Variants in CTNNA2 observed in about 807,000 individuals in gnomAD.
The protein encoded by CTNNA2 is catenin alpha-2.
In CTNNA2, 42 loss-of-function variants were observed where a neutral mutation model predicts 101.0. That is an observed-to-expected ratio of 0.42 (90% CI 0.32 to 0.54). The LOEUF (loss-of-function observed/expected upper bound fraction) is 0.54. CTNNA2 is among the 20% of genes least tolerant of loss of function. CTNNA2 has a pLI of 0.14. For synonymous variants in CTNNA2, 450 were observed against 456.4 expected (o/e 0.99, Z 0.18); for missense variants, 871 against 1,223.1 (o/e 0.71, Z 4.29).
intron 2 of CTNNA2, among the ~76,000 whole-genome samples, chr2:79,223,542 C>A (rs189860380): frequency 6.6e-6 from 1 of 152,270 alleles, no homozygotes; most frequent in Admixed American, 6.5e-5. Flanking sequence ...TTTCTCTCAT[C>A]AGTCTATTTT....
At chr2:80,014,128 AC>A (rs1298326119) in intron 7 of CTNNA2, among the ~76,000 whole-genome samples, 1 of 152,200 alleles carries the variant, frequency 6.6e-6, no homozygotes, top group African/African-American at 2.4e-5. Flanking sequence ...TATTATTTGT[AC>A]ATATAGTTTA....
intron 7 of CTNNA2, among the ~76,000 whole-genome samples, chr2:79,948,512 G>C (rs1016624017): frequency 2.0e-5 from 3 of 152,232 alleles, no homozygotes; most frequent in Admixed American, 6.5e-5. Flanking sequence ...GCTGCAAACA[G>C]TGCATGGCGC....
Position 79,990,644 on chromosome 2 carries a change from A to C in CTNNA2, c.1056+80847A>C, listed in dbSNP as rs146022580. 4.3e-3 allele frequency among the ~76,000 whole-genome samples: 652 copies of C among 152,316 alleles called. 7 individuals carry two copies. The highest frequency in any genetic ancestry group is 0.015 in the African/African-American group (607 of 41,574). The stretch of plus-strand genomic sequence containing the variant: ...AAAAGCTTTATAAGCATTTGCTATT[A>C]TTGTTACTATTACATTTTATGAAAA... On this transcript the variant is annotated intron_variant, in intron 7 of 18. Coordinates refer to ENST00000402739, the MANE Select transcript of CTNNA2 (RefSeq NM_001282597.3).
At chr2:80,625,330 A>G (rs1671570430) in intron 18 of CTNNA2, among the ~76,000 whole-genome samples, 1 of 152,048 alleles carries the variant, frequency 6.6e-6, no homozygotes, top group Non-Finnish European at 1.5e-5. Context: ...CAGGCATTGT[A>G]TGAAGCATTT....
chr2:80,642,456 T>TTAAGCAC (rs1673597405), intron 18 of CTNNA2, among the ~76,000 whole-genome samples: 1 of 152,208 alleles, frequency 6.6e-6, no homozygotes, highest in Non-Finnish European at 1.5e-5. Flanking sequence ...TACCCAACAC[T>TTAAGCAC]TAAGCACAGT....
intron 2 of CTNNA2, among the ~76,000 whole-genome samples, chr2:79,652,835 A>G (rs1277797898): frequency 6.6e-6 from 1 of 152,154 alleles, no homozygotes; most frequent in Non-Finnish European, 1.5e-5. Flanking sequence ...CAGGTCTCCA[A>G]AAGTCTCAAC....
chr2:80,162,396 T>A (rs926098733), intron 7 of CTNNA2: 3 of 1,454,758 alleles, frequency 2.1e-6, no homozygotes, highest in African/African-American at 1.4e-5. Context: ...CATATCAACT[T>A]AGTCAAAGGG....
At chr2:79,330,068 G>C (rs1676836736) in intron 3 of CTNNA2, among the ~76,000 whole-genome samples, 1 of 152,118 alleles carries the variant, frequency 6.6e-6, no homozygotes, top group Non-Finnish European at 1.5e-5. Flanking sequence ...AGGAAGTAGT[G>C]GTTGTGGTGG....
intron 7 of CTNNA2, among the ~76,000 whole-genome samples, chr2:80,045,318 A>G (rs185187283): frequency 6.6e-6 from 1 of 152,308 alleles, no homozygotes; most frequent in East Asian, 1.9e-4. Flanking sequence ...TTTTAAAACT[A>G]CCATTGTCTC....
At chr2:80,646,312 T>C (rs1337537730) in intron 18 of CTNNA2, among the ~76,000 whole-genome samples, 1 of 152,168 alleles carries the variant, frequency 6.6e-6, no homozygotes, top group Non-Finnish European at 1.5e-5. Context: ...AGAACATCTT[T>C]GCTTCCTTCA....
At chr2:79,734,022 G>T (rs1045960672) in intron 2 of CTNNA2, among the ~76,000 whole-genome samples, 4 of 151,986 alleles carry the variant, frequency 2.6e-5, no homozygotes, top group African/African-American at 9.7e-5. Context: ...GCTTTACTTT[G>T]TTTCATTTTG....
chr2:79,474,150 A>C (rs183480050), intron 4 of CTNNA2, among the ~76,000 whole-genome samples: 50 of 152,356 alleles, frequency 3.3e-4, no homozygotes, highest in Middle Eastern at 6.8e-3. Context: ...CACCAATGAC[A>C]TAAATGAAAG....
chr2:80,329,142 G>T (rs1463799013), intron 7 of CTNNA2, among the ~76,000 whole-genome samples: 3 of 152,160 alleles, frequency 2.0e-5, no homozygotes, highest in Admixed American at 1.3e-4. Context: ...AACTCTGTTT[G>T]CCCCTGTCCA....
chr2:80,579,783 T>A (rs1048097893), intron 13 of CTNNA2, among the ~76,000 whole-genome samples: 2 of 152,230 alleles, frequency 1.3e-5, no homozygotes, highest in African/African-American at 4.8e-5. Flanking sequence ...ATTTTATGCC[T>A]GTCTGACCAA....
intron 4 of CTNNA2, among the ~76,000 whole-genome samples, chr2:79,869,039 T>C (rs1208060764): frequency 1.3e-5 from 2 of 152,208 alleles, no homozygotes; most frequent in African/African-American, 4.8e-5. Flanking sequence ...GTTAAGATCA[T>C]TGTGGAGGGG....
At chr2:80,469,647 G>T (rs1187411077) in intron 9 of CTNNA2, among the ~76,000 whole-genome samples, 1 of 152,140 alleles carries the variant, frequency 6.6e-6, no homozygotes, top group African/African-American at 2.4e-5. Flanking sequence ...TAAGGTCAGG[G>T]GTTGGATTTC....
chr2:80,628,420 C>T (rs1326765456), intron 18 of CTNNA2, among the ~76,000 whole-genome samples: 1 of 151,602 alleles, frequency 6.6e-6, no homozygotes, highest in African/African-American at 2.4e-5. Flanking sequence ...CCAGAGATAT[C>T]AACCAATGGA....
intron 3 of CTNNA2, among the ~76,000 whole-genome samples, chr2:79,846,792 C>T (rs1310312197): frequency 3.2e-5 from 4 of 124,874 alleles, no homozygotes; most frequent in Non-Finnish European, 8.0e-5. Flanking sequence ...AATGAGCTCA[C>T]AGTTAATGTC....
intron 2 of CTNNA2, among the ~76,000 whole-genome samples, chr2:79,665,244 AC>A (rs1682332120): frequency 6.6e-6 from 1 of 151,890 alleles, no homozygotes; most frequent in African/African-American, 2.4e-5. Flanking sequence ...ATTTTTTGAC[AC>A]CCACACAACT....
Sources: allele counts gnomAD v4.1 joint callset (sites outside exome capture counted in the v4.1 genomes callset), GRCh38; gene constraint gnomAD v4.1.1; transcripts MANE v1.5; gene names NCBI Gene and HGNC (gene_info 2026-07-23, HGNC 2026-07-21).